The following STAC variants were observed in gnomAD, a reference collection of about 807,000 sequenced individuals.
STAC encodes SH3 and cysteine rich domain.
Under a neutral mutation model 48.8 loss-of-function variants are expected in STAC, and 43 were observed. That is an observed-to-expected ratio of 0.88 (90% CI 0.69 to 1.14). STAC has a LOEUF of 1.14. STAC is among the 50% of genes most tolerant of loss of function. The pLI is 0.00. For missense variants in STAC, 497 were observed against 504.0 expected (o/e 0.99, Z 0.13); for synonymous variants, 193 against 179.5 (o/e 1.07, Z -0.60).
intron 1 of STAC, among the ~76,000 whole-genome samples, chr3:36,400,733 A>G (rs751351699): frequency 6.6e-6 from 1 of 152,208 alleles, no homozygotes; most frequent in Non-Finnish European, 1.5e-5. Context: ...AGTAATACAG[A>G]GACCAGACTT....
intron 8 of STAC, among the ~76,000 whole-genome samples, chr3:36,526,928 A>T (rs1297067431): frequency 6.6e-6 from 1 of 152,162 alleles, no homozygotes; most frequent in East Asian, 1.9e-4. Context: ...TGCTACAGCT[A>T]TTAGGATAGG....
At chr3:36,510,578 T>C (rs751495963) in intron 8 of STAC, among the ~76,000 whole-genome samples, 31 of 152,154 alleles carry the variant, frequency 2.0e-4, no homozygotes, top group East Asian at 5.8e-4. Context: ...CAATGATAGA[T>C]TGGATAAAGA....
intron 1 of STAC, among the ~76,000 whole-genome samples, chr3:36,432,424 TG>T (rs1700727677): frequency 6.6e-6 from 1 of 152,182 alleles, no homozygotes; most frequent in Non-Finnish European, 1.5e-5. Flanking sequence ...GCTTTAGGCC[TG>T]GCGTGGTGGC....
intron 2 of STAC, among the ~76,000 whole-genome samples, chr3:36,467,112 TC>T (rs1269970193): frequency 6.6e-6 from 1 of 152,214 alleles, no homozygotes; most frequent in Non-Finnish European, 1.5e-5. Context: ...CGTGTAATTT[TC>T]ATTTTTAATT....
chr3:36,501,727 A>T (rs187822070), intron 6 of STAC, among the ~76,000 whole-genome samples: 212 of 152,306 alleles, frequency 1.4e-3, no homozygotes, highest in Non-Finnish European at 2.2e-3. Flanking sequence ...TAAGGAAGAG[A>T]AAATTTTCAG....
chr3:36,453,429 C>T (rs940080547), intron 2 of STAC, among the ~76,000 whole-genome samples: 2 of 152,198 alleles, frequency 1.3e-5, no homozygotes, highest in African/African-American at 4.8e-5. Context: ...TGGCAGACCC[C>T]GCCCTCGGAG....
At chr3:36,466,268 T>C (rs1697169882) in intron 2 of STAC, among the ~76,000 whole-genome samples, 1 of 152,200 alleles carries the variant, frequency 6.6e-6, no homozygotes, top group South Asian at 2.1e-4. Context: ...TGTGCCTATT[T>C]TTATACCAGT....
chr3:36,502,719 A>G (rs1024109148), intron 6 of STAC, among the ~76,000 whole-genome samples: 13 of 152,164 alleles, frequency 8.5e-5, no homozygotes, highest in African/African-American at 2.9e-4. Context: ...TGTTTACAGC[A>G]GGATTTCAGA....
chr3:36,416,420 C>G (rs1283592785), intron 1 of STAC, among the ~76,000 whole-genome samples: 3 of 152,204 alleles, frequency 2.0e-5, no homozygotes, highest in African/African-American at 7.2e-5. Context: ...CTTCAGTGAG[C>G]CATGAGCTTG....
At chr3:36,386,209 G>A (rs565987483) in intron 1 of STAC, among the ~76,000 whole-genome samples, 6 of 152,006 alleles carry the variant, frequency 3.9e-5, no homozygotes, top group Admixed American at 3.9e-4. Context: ...GTTTTAACTT[G>A]TATTTCCCCA....
chr3:36,463,471 T>C lies in STAC; in HGVS notation c.389-19521T>C, dbSNP rs188736698. Among the ~76,000 whole-genome samples, 611 of 151,720 alleles carry C rather than the reference T, an allele frequency of 4.0e-3. 3 individuals are homozygous for C. Among genetic ancestry groups the C allele is most frequent in the Non-Finnish European group, 6.5e-3 (441 of 67,900 alleles). On this transcript the variant is annotated intron_variant, in intron 2 of 10. Coordinates refer to ENST00000273183, the MANE Select transcript of STAC (RefSeq NM_003149.3). ...ATACGTCTGTGTCTATAACAAAATC[T>C]CTCATTTTAATTTTTTTTAATTTTT... is the stretch of plus-strand genomic sequence containing the variant.
chr3:36,492,032 ATATAT>A (rs1215424645), intron 5 of STAC, among the ~76,000 whole-genome samples: 215 of 10,466 alleles, frequency 0.021, 4 homozygotes, highest in Non-Finnish European at 0.031. Flanking sequence ...AAAAAAAAAA[ATATAT>A]ATATATATAT....
At chr3:36,446,985 C>A (rs1696525327) in intron 2 of STAC, among the ~76,000 whole-genome samples, 1 of 152,090 alleles carries the variant, frequency 6.6e-6, no homozygotes, top group South Asian at 2.1e-4. Context: ...GAAGTAGGGC[C>A]TGAGATGGGG....
intron 10 of STAC, among the ~76,000 whole-genome samples, chr3:36,535,243 G>C (rs1699171875): frequency 6.6e-6 from 1 of 152,114 alleles, no homozygotes; most frequent in Admixed American, 6.5e-5. Flanking sequence ...GATTGTGAAT[G>C]GGAGTTCATT....
chr3:36,417,659 G>C (rs1164653439), intron 1 of STAC, among the ~76,000 whole-genome samples: 2 of 152,122 alleles, frequency 1.3e-5, no homozygotes, highest in African/African-American at 4.8e-5. Flanking sequence ...GTAGAATGTG[G>C]ATGTTTCTAT....
intron 1 of STAC, among the ~76,000 whole-genome samples, chr3:36,398,320 CAAGAAAGA>C (rs71288102): frequency 0.02 from 1,685 of 82,200 alleles, 39 homozygotes; most frequent in African/African-American, 0.042. Context: ...AGAAAGAAAG[CAAGAAAGA>C]AAGAAAGAAA....
chr3:36,476,957 T>C (rs1047495519), intron 2 of STAC, among the ~76,000 whole-genome samples: 2 of 152,174 alleles, frequency 1.3e-5, no homozygotes, highest in Non-Finnish European at 2.9e-5. Context: ...AGGAGTCCAA[T>C]AGCTAAACCT....
intron 8 of STAC, among the ~76,000 whole-genome samples, chr3:36,513,857 A>G (rs1231102649): frequency 6.6e-6 from 1 of 151,308 alleles, no homozygotes; most frequent in Non-Finnish European, 1.5e-5. Flanking sequence ...AAAGGGGGGG[A>G]GGGGAGAAGA....
intron 1 of STAC, among the ~76,000 whole-genome samples, chr3:36,435,334 C>T (rs1261746433): frequency 6.6e-6 from 1 of 152,104 alleles, no homozygotes; most frequent in East Asian, 1.9e-4. Context: ...AAGCCACATC[C>T]AGCCAATACC....
Sources: allele counts gnomAD v4.1 joint callset (sites outside exome capture counted in the v4.1 genomes callset), GRCh38; gene constraint gnomAD v4.1.1; transcripts MANE v1.5; gene names NCBI Gene and HGNC (gene_info 2026-07-23, HGNC 2026-07-21).